The following SPATA16 variants were observed in gnomAD, a reference collection of about 807,000 sequenced individuals.
The protein encoded by SPATA16 is spermatogenesis associated 16.
SPATA16 carries 36 observed loss-of-function variants against 63.3 expected under a neutral mutation model. The observed-to-expected ratio is 0.57, with a 90% CI of 0.44 to 0.75. The LOEUF (loss-of-function observed/expected upper bound fraction) is 0.75, where lower values mean the gene tolerates loss of function less well. Ranked by LOEUF, SPATA16 falls within the 30% of genes least tolerant of loss-of-function variation. SPATA16 has a pLI of 0.00. For synonymous variants in SPATA16, 203 were observed against 216.7 expected, an observed-to-expected ratio of 0.94 and a Z score of 0.56; for missense variants, 646 against 679.3, an observed-to-expected ratio of 0.95 and a Z score of 0.54.
intron 2 of SPATA16, among the ~76,000 whole-genome samples, chr3:173,059,471 C>T (rs574690134): frequency 7.3e-5 from 11 of 151,354 alleles, no homozygotes; most frequent in South Asian, 4.2e-4. Flanking sequence ...CATTATCTTA[C>T]TTTTTCTTAT....
chr3:173,019,093 A>G (rs981056376), intron 4 of SPATA16, among the ~76,000 whole-genome samples: 2 of 152,236 alleles, frequency 1.3e-5, no homozygotes, highest in African/African-American at 4.8e-5. Context: ...CATCTGCTCC[A>G]GAAATGGGTT....
chr3:173,055,763 G>A (rs1457270034), intron 2 of SPATA16, among the ~76,000 whole-genome samples: 2 of 152,118 alleles, frequency 1.3e-5, no homozygotes, highest in Non-Finnish European at 2.9e-5. Context: ...CAAGTAAAAC[G>A]AGAAATCTTA....
At chr3:173,068,137 G>T (rs1736567972) in intron 2 of SPATA16, among the ~76,000 whole-genome samples, 2 of 152,080 alleles carry the variant, frequency 1.3e-5, no homozygotes, top group African/African-American at 4.8e-5. Flanking sequence ...TGTATAACAA[G>T]AAATCATCTG....
intron 4 of SPATA16, among the ~76,000 whole-genome samples, chr3:173,016,447 A>G (rs1735190018): frequency 6.6e-6 from 1 of 152,204 alleles, no homozygotes; most frequent in South Asian, 2.1e-4. Context: ...AAGACATTCT[A>G]ATTTCCAGGG....
At chr3:172,902,141 G>T (rs188544674) in intron 10 of SPATA16, among the ~76,000 whole-genome samples, 7 of 152,282 alleles carry the variant, frequency 4.6e-5, no homozygotes, top group Non-Finnish European at 8.8e-5. Flanking sequence ...GGGTTCAAGT[G>T]ATTCTCCTGC....
chr3:173,035,682 G>T (rs1441284710), intron 3 of SPATA16, among the ~76,000 whole-genome samples: 1 of 152,078 alleles, frequency 6.6e-6, no homozygotes, highest in Non-Finnish European at 1.5e-5. Flanking sequence ...AATGCTGGGA[G>T]AATGCCAAGG....
At chr3:172,987,527 T>C (rs1446605934) in intron 4 of SPATA16, among the ~76,000 whole-genome samples, 1 of 152,238 alleles carries the variant, frequency 6.6e-6, no homozygotes, top group African/African-American at 2.4e-5. Flanking sequence ...TGTATGGTTC[T>C]TCAATCTTGA....
chr3:173,010,186 C>T (rs1735033262), intron 4 of SPATA16, among the ~76,000 whole-genome samples: 1 of 152,230 alleles, frequency 6.6e-6, no homozygotes, highest in Non-Finnish European at 1.5e-5. Context: ...TGGTTGGCTG[C>T]AGCTCTGAGT....
rs532245726 is a variant in SPATA16, at chr3:173,063,207, T to A, written c.613-14113A>T. Among the ~76,000 whole-genome samples, 72 of 152,348 alleles carry A rather than the reference T, an allele frequency of 4.7e-4. 1 individual carries two copies. In the South Asian group the frequency reaches 0.013, roughly 28 times the overall value. ...ATTGAGGAAATAATAGAATATAGGA[T>A]ATGCAGGAAAAGAGATAGGTCAACA... On this transcript the variant is annotated intron_variant, in intron 2 of 10. Coordinates refer to ENST00000351008, the MANE Select transcript of SPATA16 (RefSeq NM_031955.6).
chr3:173,009,379 G>A (rs1022689345), intron 4 of SPATA16, among the ~76,000 whole-genome samples: 2 of 152,188 alleles, frequency 1.3e-5, no homozygotes, highest in African/African-American at 4.8e-5. Context: ...TTGAATAAGA[G>A]CTCCTGGGGG....
intron 10 of SPATA16, among the ~76,000 whole-genome samples, chr3:172,906,255 C>T (rs74596430): frequency 0.098 from 14,835 of 152,072 alleles, 824 homozygotes; most frequent in African/African-American, 0.15. Flanking sequence ...GTGATGTGGG[C>T]AAGGACACAT....
chr3:172,933,845 T>A (rs988845951), intron 6 of SPATA16, among the ~76,000 whole-genome samples: 1 of 152,128 alleles, frequency 6.6e-6, no homozygotes, highest in Non-Finnish European at 1.5e-5. Context: ...ATCTTACAAA[T>A]AATATAGGAT....
Position 172,916,457 on chromosome 3 carries a change from C to T in SPATA16, c.1363G>A (p.Val455Met). The change falls in exon 9 of 11, where the codon GTG becomes ATG. Residue 455 changes from valine (V) to methionine (M), a missense_variant. By Grantham distance (21) the Val-to-Met change is conservative. Coordinates refer to ENST00000351008, the MANE Select transcript of SPATA16 (RefSeq NM_031955.6). ...LNGSFPASSG[V>M]MEKLQYASLL... ...CTGGCATATTGCAACTTCTCCATCA[C>T]ACCTGAGGATGCAGGAAAACTCCCC... 2 of 1,613,770 alleles carry T rather than the reference C, an allele frequency of 1.2e-6. No homozygotes were observed. The highest frequency in any genetic ancestry group is 2.2e-5 in the South Asian group (2 of 91,076).
In SPATA16 at chr3:173,117,566, C is replaced by G; in HGVS notation, c.166G>C (p.Val56Leu). 2.5e-6 allele frequency: 4 copies of G among 1,613,836 alleles called. No individual in the cohort carries two copies. The highest frequency in any genetic ancestry group is 3.4e-6 in the Non-Finnish European group (4 of 1,179,928). Residue 56 changes from valine (V) to leucine (L), a missense_variant, in exon 2 of 11, where the codon GTA (valine) becomes CTA (leucine). Transcript: ENST00000351008. ...EIKKNCGGKQ[V>L]EITLERTKMT... Reference sequence around the variant, plus strand: ...TTTGTTCTTTCAAGTGTGATTTCTACCTGTTTACCTCCACAGTTTTTCTTA... The same window carrying G: ...TTTGTTCTTTCAAGTGTGATTTCTAGCTGTTTACCTCCACAGTTTTTCTTA...
chr3:173,117,665 G>C lies in SPATA16; in HGVS notation c.67C>G (p.Pro23Ala). The C allele has an allele frequency of 1.2e-6, 2 of 1,613,980 alleles. No homozygotes were observed. The highest frequency in any genetic ancestry group is 1.6e-4 in the Middle Eastern group (1 of 6,062). Residue 23 changes from proline (P) to alanine (A), a missense_variant, in exon 2 of 11, where the codon CCA becomes GCA. Coordinates refer to ENST00000351008, the MANE Select transcript of SPATA16 (RefSeq NM_031955.6). Reference sequence around the variant, plus strand: ...ATTTTCTTGCTTGTGTTTATCTTTGGAACAAGCTGATCATGATAGATCCTA... The same window carrying C: ...ATTTTCTTGCTTGTGTTTATCTTTGCAACAAGCTGATCATGATAGATCCTA... The part of the protein sequence containing the change: ...VNRIYHDQLV[P>A]KINTSKKMST...
intron 2 of SPATA16, 100 bp downstream of exon 2, chr3:173,117,020 A>G (rs1560128383): frequency 8.4e-7 from 1 of 1,192,494 alleles, no homozygotes; most frequent in East Asian, 2.3e-5. Flanking sequence ...TCACCTCATG[A>G]TCACTGCTTA....
At chr3:173,129,444 A>G (rs1297090106) in intron 1 of SPATA16, among the ~76,000 whole-genome samples, 1 of 152,226 alleles carries the variant, frequency 6.6e-6, no homozygotes, top group Non-Finnish European at 1.5e-5. Flanking sequence ...TTGACAAAAT[A>G]ACATGTGTTA....
At chr3:173,069,944 A>T (rs1424116460) in intron 2 of SPATA16, among the ~76,000 whole-genome samples, 1 of 140,082 alleles carries the variant, frequency 7.1e-6, no homozygotes, top group Non-Finnish European at 1.5e-5. Flanking sequence ...CATTCCCTTC[A>T]TGATAAAAAG....
At chr3:173,054,632 T>A (rs564801504) in intron 2 of SPATA16, among the ~76,000 whole-genome samples, 1 of 151,434 alleles carries the variant, frequency 6.6e-6, no homozygotes, top group South Asian at 2.1e-4. Context: ...CAGGGCCTAT[T>A]GGGGGTGGGG....
Sources: gnomAD v4.1 joint callset for allele counts (sites outside exome capture counted in the v4.1 genomes callset) on GRCh38, gnomAD v4.1.1 for gene constraint, MANE v1.5 for transcripts, NCBI Gene and HGNC (gene_info 2026-07-23, HGNC 2026-07-21) for gene names.